ANGPT1: variants seen among roughly 807,000 people sequenced by gnomAD.
ANGPT1 encodes angiopoietin 1, also known as angiopoietin-1.
ANGPT1 carries 17 observed loss-of-function variants against 62.2 expected under a neutral mutation model. The ratio of observed to expected loss-of-function variants is 0.27; its 90% confidence interval spans 0.19 to 0.41. The LOEUF is 0.41. ANGPT1 is among the 10% of genes least tolerant of loss of function. ANGPT1 has a pLI of 1.00. For synonymous variants in ANGPT1, 199 were observed against 198.9 expected, an observed-to-expected ratio of 1.00 and a Z score of 0.00; for missense variants, 478 against 594.9, an observed-to-expected ratio of 0.80 and a Z score of 2.04.
chr8:107,304,177 ATAGT>A (rs1223865901), intron 4 of ANGPT1, among the ~76,000 whole-genome samples: 2 of 148,396 alleles, frequency 1.3e-5, no homozygotes, highest in South Asian at 2.2e-4. Flanking sequence ...AAATCTATTA[ATAGT>A]TAGAGACTGT....
chr8:107,325,424 C>T (rs1439252143), intron 3 of ANGPT1, among the ~76,000 whole-genome samples: 1 of 152,138 alleles, frequency 6.6e-6, no homozygotes, highest in Non-Finnish European at 1.5e-5. Context: ...AGTGAGAAAA[C>T]TTAGCATTAC....
chr8:107,307,695 C>T (rs955671897), intron 4 of ANGPT1, among the ~76,000 whole-genome samples: 2 of 152,068 alleles, frequency 1.3e-5, no homozygotes, highest in Non-Finnish European at 2.9e-5. Flanking sequence ...CACTAAGTTT[C>T]CATTCTTGGA....
At chr8:107,455,943 A>G (rs1245408827) in intron 1 of ANGPT1, among the ~76,000 whole-genome samples, 2 of 152,086 alleles carry the variant, frequency 1.3e-5, no homozygotes, top group Non-Finnish European at 1.5e-5. Context: ...CACAAAAAGC[A>G]TGTTTTTATA....
At chr8:107,403,657 T>G (rs1817090149) in intron 1 of ANGPT1, among the ~76,000 whole-genome samples, 1 of 152,168 alleles carries the variant, frequency 6.6e-6, no homozygotes, top group Non-Finnish European at 1.5e-5. Context: ...AGGGATATTT[T>G]AGTTTCATTG....
chr8:107,349,479 G>C (rs938076678), intron 1 of ANGPT1, among the ~76,000 whole-genome samples: 5 of 152,152 alleles, frequency 3.3e-5, no homozygotes, highest in African/African-American at 1.2e-4. Flanking sequence ...GGTTATACAT[G>C]AGTGTAAGTT....
intron 1 of ANGPT1, among the ~76,000 whole-genome samples, chr8:107,368,119 C>A (rs1816313670): frequency 6.6e-6 from 1 of 152,174 alleles, no homozygotes; most frequent in African/African-American, 2.4e-5. Context: ...AAATGTATTT[C>A]TTTAATAAGA....
chr8:107,339,493 T>C (rs530101708), intron 2 of ANGPT1, among the ~76,000 whole-genome samples: 3 of 152,312 alleles, frequency 2.0e-5, no homozygotes, highest in Admixed American at 2.0e-4. Flanking sequence ...ATGGCTGATT[T>C]CTTCTCATCA....
chr8:107,432,243 T>G (rs564445187), intron 1 of ANGPT1, among the ~76,000 whole-genome samples: 1 of 152,010 alleles, frequency 6.6e-6, no homozygotes, highest in African/African-American at 2.4e-5. Flanking sequence ...TTATCCCAAA[T>G]AAATTATTTT....
chr8:107,349,122 T>TTAGATAGATGATAGATAGA (rs1554584811), intron 1 of ANGPT1, among the ~76,000 whole-genome samples: 80 of 143,908 alleles, frequency 5.6e-4, no homozygotes, highest in African/African-American at 2.0e-3. Context: ...GATAAGGAGA[T>TTAGATAGATGATAGATAGA]TAGATAGATA....
Position 107,367,065 on chromosome 8 carries a change from A to G in ANGPT1, c.298-19968T>C, listed in dbSNP as rs575915114. On this transcript the variant is annotated intron_variant, in intron 1 of 8. Coordinates refer to ENST00000517746, the MANE Select transcript of ANGPT1 (RefSeq NM_001146.5). Reference sequence around the variant, plus strand: ...TCCCTGAACCAGAATCACCCAGGCTAAGCCATCCCCAGATCCCGAAATCTC... The same window carrying G: ...TCCCTGAACCAGAATCACCCAGGCTGAGCCATCCCCAGATCCCGAAATCTC... 7.2e-5 allele frequency among the ~76,000 whole-genome samples: 11 copies of G among 152,298 alleles called. No homozygotes were observed. In the South Asian group the frequency reaches 2.3e-3, roughly 32 times the overall value.
intron 1 of ANGPT1, among the ~76,000 whole-genome samples, chr8:107,449,397 C>T (rs940759726): frequency 1.3e-4 from 10 of 78,194 alleles, no homozygotes; most frequent in African/African-American, 5.2e-4. Flanking sequence ...CACACACACA[C>T]ATGCACACAC....
At chr8:107,491,159 A>AG (rs1563646892) in intron 1 of ANGPT1, among the ~76,000 whole-genome samples, 1 of 152,072 alleles carries the variant, frequency 6.6e-6, no homozygotes, top group Non-Finnish European at 1.5e-5. Context: ...ATTAAAAAAA[A>AG]AAGAAGAAGA....
intron 5 of ANGPT1, among the ~76,000 whole-genome samples, chr8:107,302,872 G>C (rs1443285150): frequency 6.6e-6 from 1 of 151,846 alleles, no homozygotes; most frequent in Non-Finnish European, 1.5e-5. Context: ...ATTTGGCTTT[G>C]GATAATGTGT....
At chr8:107,274,436 G>A (rs1043056077) in intron 7 of ANGPT1, among the ~76,000 whole-genome samples, 2 of 152,086 alleles carry the variant, frequency 1.3e-5, no homozygotes, top group African/African-American at 4.8e-5. Context: ...TAAGAGAAAT[G>A]AACAATGTAT....
At chr8:107,294,593 G>C (rs1814364493) in intron 5 of ANGPT1, 1 of 152,180 alleles carries the variant, frequency 6.6e-6, no homozygotes, top group African/African-American at 2.4e-5. Context: ...GGCAACATTT[G>C]TGGCATAGCA....
At position 107,345,401 on chromosome 8, in the gene ANGPT1, C is replaced by T. The variant is rs76038320; in HGVS notation, c.453+1541G>A. Among the ~76,000 whole-genome samples the T allele has an allele frequency of 8.4e-3, 1,284 of 152,118 alleles. 19 individuals are homozygous for T. The highest frequency in any genetic ancestry group is 0.025 in the African/African-American group (1,019 of 41,506). ...CGCATCTTAACAGTTTGGAGATTAA[C>T]GTGCTAACAATGGGACATTTTTTTT... On this transcript the variant is annotated intron_variant, in intron 2 of 8. Coordinates refer to ENST00000517746, the MANE Select transcript of ANGPT1 (RefSeq NM_001146.5).
chr8:107,448,543 T>C (rs1481868282), intron 1 of ANGPT1, among the ~76,000 whole-genome samples: 1 of 152,108 alleles, frequency 6.6e-6, no homozygotes, highest in Non-Finnish European at 1.5e-5. Flanking sequence ...TTACGGTGTA[T>C]GTTTTTGAGG....
chr8:107,370,913 A>G (rs1041613677), intron 1 of ANGPT1, among the ~76,000 whole-genome samples: 1 of 152,002 alleles, frequency 6.6e-6, no homozygotes, highest in Non-Finnish European at 1.5e-5. Context: ...TATGGCATTG[A>G]AAAAATGGTG....
chr8:107,288,160 A>G (rs1294329317), intron 6 of ANGPT1, among the ~76,000 whole-genome samples: 1 of 152,214 alleles, frequency 6.6e-6, no homozygotes, highest in Non-Finnish European at 1.5e-5. Flanking sequence ...ATATTTTACT[A>G]AATTGAGAGT....
Sources: gnomAD v4.1 joint callset for allele counts (sites outside exome capture counted in the v4.1 genomes callset) on GRCh38, gnomAD v4.1.1 for gene constraint, MANE v1.5 for transcripts, NCBI Gene and HGNC (gene_info 2026-07-23, HGNC 2026-07-21) for gene names.